RCHY1: variants seen among roughly 807,000 people sequenced by gnomAD.
RCHY1 encodes RING finger and CHY zinc finger domain-containing protein 1.
A neutral mutation model predicts 41.6 loss-of-function variants in RCHY1; 21 were observed. The ratio of observed to expected loss-of-function variants is 0.51; its 90% CI spans 0.36 to 0.73. The LOEUF is 0.73. RCHY1 is among the 30% of genes least tolerant of loss of function. RCHY1 has a pLI of 0.00. For missense variants in RCHY1, 265 were observed against 325.3 expected (o/e 0.81, Z 1.43); for synonymous variants, 79 against 102.9 (o/e 0.77, Z 1.41).
At chr4:75,509,005 C>T in intron 2 of RCHY1, 70 bp from the exon 3 acceptor site, 4 of 1,247,342 alleles carry the variant, frequency 3.2e-6, no homozygotes, top group Non-Finnish European at 4.6e-6. Context: ...ATATCTAGAA[C>T]TTATGTTCAA....
intron 8 of RCHY1, among the ~76,000 whole-genome samples, chr4:75,485,589 G>A (rs954276655): frequency 6.6e-6 from 1 of 152,026 alleles, no homozygotes; most frequent in African/African-American, 2.4e-5. Context: ...CAATATTTAC[G>A]TCTAAAGTCT....
At chr4:75,511,062 G>T (rs1031881749) in intron 1 of RCHY1, among the ~76,000 whole-genome samples, 2 of 152,112 alleles carry the variant, frequency 1.3e-5, no homozygotes, top group African/African-American at 4.8e-5. Flanking sequence ...TCGTATCAAG[G>T]AATATGATTG....
In RCHY1 at chr4:75,480,309, T is replaced by TA. The variant is rs1194484341; in HGVS notation, c.*2228dup. 6.6e-6 allele frequency: 1 copy of TA among 152,152 alleles called. No homozygotes were observed. Among genetic ancestry groups the TA allele is most frequent in the Non-Finnish European group, 1.5e-5 (1 of 68,032 alleles). 9.4% of individuals were successfully genotyped at this position (152,152 alleles called of 1,614,324 possible). On this transcript the variant is annotated 3_prime_UTR_variant, in exon 9 of 9. Transcript: ENST00000324439. ...ATAAGACTTTCTAACTAGAGTCACC[T>TA]AAAAAAATGAAAGGTTAATCTATCA...
chr4:75,514,294 A>T lies in RCHY1; in HGVS notation c.-8T>A. 1 of 1,606,058 alleles carries T rather than the reference A, an allele frequency of 6.2e-7. No individual in the cohort carries two copies. Among genetic ancestry groups the T allele is most frequent in the African/African-American group, 1.3e-5 (1 of 74,294 alleles). ...CCGGGCCGTCGCCGCCATCTCCTCCACCTCCCCTCACATTCCACCGATCCT... is the reference window on the plus strand; with the variant it reads ...CCGGGCCGTCGCCGCCATCTCCTCCTCCTCCCCTCACATTCCACCGATCCT... On this transcript the variant is annotated 5_prime_UTR_variant, in exon 1 of 9. Transcript: ENST00000324439.
chr4:75,499,861 C>T (rs11735018), intron 3 of RCHY1, among the ~76,000 whole-genome samples: 106,023 of 152,112 alleles, frequency 0.7, 38,618 homozygotes, highest in African/African-American at 0.92. Context: ...GTTTGATAGA[C>T]CAGTAGGGTG....
At position 75,486,589 on chromosome 4, in the gene RCHY1, G is replaced by T. The variant is rs528108445; in HGVS notation, c.658-3923C>A. Among the ~76,000 whole-genome samples, 5 of 152,084 alleles carry T rather than the reference G, an allele frequency of 3.3e-5. No homozygotes were observed. In the South Asian group the frequency reaches 1.0e-3, roughly 32 times the overall value. On this transcript the variant is annotated intron_variant, in intron 8 of 8. Transcript: ENST00000324439. ...TTTCACTGGAAATTAGGATTACTAA[G>T]AGTTAAAACTGTAGTTAATATATGT...
chr4:75,487,692 C>CATAATATATATTCAT (rs1722285876), intron 8 of RCHY1, among the ~76,000 whole-genome samples: 9 of 59,158 alleles, frequency 1.5e-4, no homozygotes, highest in Admixed American at 2.4e-4. Flanking sequence ...TATATATATT[C>CATAATATATATTCAT]ATATATATAT....
In RCHY1 at chr4:75,481,566, G is replaced by A. The variant is rs779205074; in HGVS notation, c.*972C>T. The stretch of plus-strand genomic sequence containing the variant: ...ACTCATCCATCCCCTATTTTCACAC[G>A]CTTAGGGAAGAAATATTCTATTCAT... On this transcript the variant is annotated 3_prime_UTR_variant, in exon 9 of 9. Transcript: ENST00000324439. The A allele has an allele frequency of 1.3e-5, 2 of 152,084 alleles. No individual in the cohort carries two copies. Among genetic ancestry groups the A allele is most frequent in the Non-Finnish European group, 2.9e-5 (2 of 68,002 alleles). The allele number at this position is 152,084 out of a possible 1,614,324, so 9.4% of individuals were successfully genotyped here.
Position 75,494,172 on chromosome 4 carries a change from G to T in RCHY1, c.334C>A (p.Pro112Thr). 1.9e-6 allele frequency: 3 copies of T among 1,566,882 alleles called. No homozygotes were observed. The highest frequency in any genetic ancestry group is 1.7e-4 in the Middle Eastern group (1 of 5,894). The part of the protein sequence containing the change: ...CENCGICRIG[P>T]KEDFFHCLKC... Reference sequence around the variant, plus strand: ...AAACAATGGAAAAAATCTTCCTTTGGACCAATCCTAGCAAAACACATGAAA... The same window carrying T: ...AAACAATGGAAAAAATCTTCCTTTGTACCAATCCTAGCAAAACACATGAAA... The change falls in exon 4 of 9, where the codon CCA becomes ACA. Residue 112 changes from proline to threonine, a missense_variant. Coordinates refer to ENST00000324439, the MANE Select transcript of RCHY1 (RefSeq NM_015436.4).
At chr4:75,493,311 A>G (rs1388575283) in intron 4 of RCHY1, among the ~76,000 whole-genome samples, 9 of 151,876 alleles carry the variant, frequency 5.9e-5, no homozygotes, top group African/African-American at 2.2e-4. Flanking sequence ...TTCATTATTC[A>G]TCTCAATTTT....
intron 3 of RCHY1, among the ~76,000 whole-genome samples, chr4:75,505,608 T>TA (rs1447766861): frequency 6.6e-6 from 1 of 150,848 alleles, no homozygotes; most frequent in Admixed American, 6.6e-5. Flanking sequence ...CAGAGCTCAG[T>TA]AAAAAAACAA....
intron 3 of RCHY1, among the ~76,000 whole-genome samples, chr4:75,500,000 G>A (rs1723598504): frequency 6.6e-6 from 1 of 152,076 alleles, no homozygotes; most frequent in African/African-American, 2.4e-5. Context: ...AATTAGCTGG[G>A]CATGGTGGCA....
chr4:75,507,211 C>A (rs927930075), intron 3 of RCHY1, among the ~76,000 whole-genome samples: 6 of 151,922 alleles, frequency 3.9e-5, no homozygotes, highest in African/African-American at 1.4e-4. Flanking sequence ...GCAATAGAAA[C>A]GGTAAATATA....
At chr4:75,508,468 T>C (rs553750553) in intron 3 of RCHY1, among the ~76,000 whole-genome samples, 29 of 152,228 alleles carry the variant, frequency 1.9e-4, no homozygotes, top group Admixed American at 7.2e-4. Context: ...TAAATACTAA[T>C]TTTTACAAAG....
chr4:75,490,280 T>C (rs1722627255), intron 8 of RCHY1, among the ~76,000 whole-genome samples: 1 of 152,106 alleles, frequency 6.6e-6, no homozygotes, highest in African/African-American at 2.4e-5. Flanking sequence ...GATCCAACCC[T>C]AGTCAGTTAT....
chr4:75,489,232 A>C (rs1441950926), intron 8 of RCHY1, among the ~76,000 whole-genome samples: 1 of 152,216 alleles, frequency 6.6e-6, no homozygotes, highest in Non-Finnish European at 1.5e-5. Flanking sequence ...AATCCTGGGA[A>C]GACAATCAAA....
At chr4:75,514,161 G>A in intron 1 of RCHY1, 36 bp downstream of exon 1, 9 of 1,587,440 alleles carry the variant, frequency 5.7e-6, no homozygotes, top group Non-Finnish European at 6.9e-6. Context: ...CAACCTGACG[G>A]AAGCTTGTCA....
chr4:75,485,269 G>A (rs1161326901), intron 8 of RCHY1, among the ~76,000 whole-genome samples: 2 of 152,078 alleles, frequency 1.3e-5, no homozygotes, highest in African/African-American at 4.8e-5. Context: ...TGTCTTAGTG[G>A]GCTCCACCCT....
At position 75,482,641 on chromosome 4, in the gene RCHY1, C is replaced by T. The variant is rs371997588; in HGVS notation, c.683G>A (p.Arg228Gln). 5.0e-6 allele frequency: 8 copies of T among 1,608,774 alleles called. No homozygotes were observed. Among genetic ancestry groups the T allele is most frequent in the Non-Finnish European group, 6.8e-6 (8 of 1,176,566 alleles). Residue 228 changes from arginine (R) to glutamine (Q), a missense_variant, in exon 9 of 9, where the codon CGA (arginine) becomes CAA (glutamine). Coordinates refer to ENST00000324439, the MANE Select transcript of RCHY1 (RefSeq NM_015436.4). ...TAATATATGAAACTGAACAGTGGAT[C>T]GTCCATTACAGTCATTGCAGAGAAT... Reference protein sequence around the residue: ...VDILCNDCNGRSTVQFHILGM... With the variant: ...VDILCNDCNGQSTVQFHILGM...
Sources: gnomAD v4.1 joint callset for allele counts (sites outside exome capture counted in the v4.1 genomes callset) on GRCh38, gnomAD v4.1.1 for gene constraint, MANE v1.5 for transcripts, NCBI Gene and HGNC (gene_info 2026-07-23, HGNC 2026-07-21) for gene names.